SRPK2: variants seen among roughly 807,000 people sequenced by gnomAD.
The protein encoded by SRPK2 is SFRS protein kinase 2.
A neutral mutation model predicts 90.8 loss-of-function variants in SRPK2; 21 were observed. The ratio of observed to expected loss-of-function variants is 0.23; its 90% CI spans 0.16 to 0.33. The LOEUF is 0.33. SRPK2 is among the 10% of genes least tolerant of loss of function. The pLI, the probability that SRPK2 is intolerant of heterozygous loss-of-function variation, is 1.00. For synonymous variants in SRPK2, 288 were observed against 311.1 expected, an observed-to-expected ratio of 0.93 and a Z score of 0.78; for missense variants, 620 against 869.0, an observed-to-expected ratio of 0.71 and a Z score of 3.60.
At chr7:105,372,533 A>G (rs959584316) in intron 2 of SRPK2, among the ~76,000 whole-genome samples, 1 of 152,174 alleles carries the variant, frequency 6.6e-6, no homozygotes, top group Non-Finnish European at 1.5e-5. Flanking sequence ...ACAACAACCA[A>G]ATAAAGCACC....
intron 13 of SRPK2, among the ~76,000 whole-genome samples, chr7:105,132,471 T>G (rs1361963379): frequency 6.6e-6 from 1 of 152,168 alleles, no homozygotes; most frequent in African/African-American, 2.4e-5. Flanking sequence ...CCTGCACATT[T>G]TCAGGGACCA....
chr7:105,158,964 T>C (rs1044829095), intron 7 of SRPK2, among the ~76,000 whole-genome samples: 3 of 152,126 alleles, frequency 2.0e-5, no homozygotes, highest in African/African-American at 7.2e-5. Context: ...ATTTGAGATA[T>C]CAGCCTGTCG....
chr7:105,141,982 G>T, intron 11 of SRPK2, 26 bp downstream of exon 11: 1 of 1,582,196 alleles, frequency 6.3e-7, no homozygotes, highest in South Asian at 1.2e-5. Context: ...AGCGATGGCA[G>T]ACAGTTGATG....
intron 3 of SRPK2, among the ~76,000 whole-genome samples, chr7:105,175,373 T>TA (rs138107426): frequency 0.41 from 62,714 of 151,932 alleles, 14,877 homozygotes; most frequent in Non-Finnish European, 0.53. Flanking sequence ...GAAATGCTGT[T>TA]AAAGCAAACT....
Position 105,312,952 on chromosome 7 carries a change from T to C in SRPK2, c.71+75696A>G, listed in dbSNP as rs138517608. ...CACACCAGGCAAGAAAGTTTCTCTT[T>C]ACAAAATATTCCAGAAATGAATAAA... On this transcript the variant is annotated intron_variant, in intron 2 of 15. Coordinates refer to ENST00000393651, the MANE Select transcript of SRPK2 (RefSeq NM_182692.3). Among the ~76,000 whole-genome samples, 650 of 152,242 alleles carry C rather than the reference T, an allele frequency of 4.3e-3. 5 individuals are homozygous for C. Among genetic ancestry groups the C allele is most frequent in the African/African-American group, 0.015 (620 of 41,538 alleles).
chr7:105,347,610 T>G (rs1477211321), intron 2 of SRPK2, among the ~76,000 whole-genome samples: 1 of 151,802 alleles, frequency 6.6e-6, no homozygotes, highest in African/African-American at 2.4e-5. Flanking sequence ...TCCCAGCACT[T>G]TGGGAGACTG....
At chr7:105,331,331 A>AAAAC (rs1814356420) in intron 2 of SRPK2, among the ~76,000 whole-genome samples, 2 of 146,316 alleles carry the variant, frequency 1.4e-5, no homozygotes, top group Non-Finnish European at 3.0e-5. Context: ...AAAAAAAAAA[A>AAAAC]AAAAAACAAA....
intron 2 of SRPK2, among the ~76,000 whole-genome samples, chr7:105,254,673 T>TG (rs1028343780): frequency 2.1e-4 from 32 of 151,910 alleles, no homozygotes; most frequent in Non-Finnish European, 2.4e-4. Context: ...TTGTTTTTTT[T>TG]TTGTTGTTGT....
chr7:105,218,226 T>A (rs1399539900), intron 2 of SRPK2, among the ~76,000 whole-genome samples: 1 of 152,198 alleles, frequency 6.6e-6, no homozygotes, highest in Admixed American at 6.5e-5. Context: ...GAATTTGAAG[T>A]TAATTTGCTA....
At chr7:105,171,880 TAC>T (rs1791199092) in intron 3 of SRPK2, among the ~76,000 whole-genome samples, 1 of 151,986 alleles carries the variant, frequency 6.6e-6, no homozygotes. Context: ...GAGTTTATAA[TAC>T]AGTTATTTAT....
intron 2 of SRPK2, among the ~76,000 whole-genome samples, chr7:105,249,210 T>C (rs1211946790): frequency 6.6e-6 from 1 of 152,170 alleles, no homozygotes; most frequent in African/African-American, 2.4e-5. Context: ...CTCTGAGGCA[T>C]AGGGGTTTGG....
chr7:105,160,910 TTCACATCCTTCC>T (rs1453240711), intron 6 of SRPK2, among the ~76,000 whole-genome samples: 25 of 152,258 alleles, frequency 1.6e-4, no homozygotes, highest in Admixed American at 5.2e-4. Context: ...ACATAACCTA[TTCACATCCTTCC>T]ATATACTTTA....
At position 105,361,776 on chromosome 7, in the gene SRPK2, A is replaced by G. The variant is rs919924181; in HGVS notation, c.71+26872T>C. Among the ~76,000 whole-genome samples, 18 of 152,310 alleles carry G rather than the reference A, an allele frequency of 1.2e-4. 1 individual carries two copies. The highest frequency in any genetic ancestry group is 3.6e-4 in the African/African-American group (15 of 41,578). ...CTGGGAAAACTGGCTAGCTATATGT[A>G]GAAAACTGAAACTGGATCTCTTCCT... On this transcript the variant is annotated intron_variant, in intron 2 of 15. Coordinates refer to ENST00000393651, the MANE Select transcript of SRPK2 (RefSeq NM_182692.3).
At chr7:105,262,200 A>G (rs939923568) in intron 2 of SRPK2, among the ~76,000 whole-genome samples, 5 of 152,224 alleles carry the variant, frequency 3.3e-5, no homozygotes, top group African/African-American at 1.2e-4. Context: ...CTACATCTAG[A>G]CCAAATAAAT....
At chr7:105,343,405 G>A (rs1437893342) in intron 2 of SRPK2, among the ~76,000 whole-genome samples, 1 of 152,172 alleles carries the variant, frequency 6.6e-6, no homozygotes, top group African/African-American at 2.4e-5. Context: ...ATGTACTCCA[G>A]CCTGGGCAAT....
intron 2 of SRPK2, among the ~76,000 whole-genome samples, chr7:105,319,091 A>G (rs1258050904): frequency 1.3e-5 from 2 of 152,250 alleles, no homozygotes; most frequent in Non-Finnish European, 2.9e-5. Context: ...GCATCTTTTA[A>G]AACTGCTTAA....
intron 2 of SRPK2, among the ~76,000 whole-genome samples, chr7:105,265,241 T>C (rs1398867611): frequency 6.6e-6 from 1 of 152,174 alleles, no homozygotes. Context: ...ATATTTGGGA[T>C]ATAAAACAAT....
At chr7:105,376,345 G>A (rs750271008) in intron 2 of SRPK2, among the ~76,000 whole-genome samples, 8 of 149,982 alleles carry the variant, frequency 5.3e-5, no homozygotes, top group Non-Finnish European at 1.2e-4. Context: ...ACACCCCTAC[G>A]GCATTCTTCA....
intron 2 of SRPK2, among the ~76,000 whole-genome samples, chr7:105,225,304 C>G (rs1212170836): frequency 5.9e-5 from 9 of 152,224 alleles, no homozygotes. Context: ...AGGCTAGCAA[C>G]TATCCTCTTT....
Sources: allele counts gnomAD v4.1 joint callset (sites outside exome capture counted in the v4.1 genomes callset), GRCh38; gene constraint gnomAD v4.1.1; transcripts MANE v1.5; gene names NCBI Gene and HGNC (gene_info 2026-07-23, HGNC 2026-07-21).